Variants in TMEM114 observed in about 807,000 individuals in gnomAD.
The protein encoded by TMEM114 is claudin-26.
A neutral mutation model predicts 6.2 loss-of-function variants in TMEM114; 6 were observed. That is an observed-to-expected ratio of 0.97 (90% confidence interval 0.53 to 1.91). TMEM114 has a LOEUF of 1.91. Ranked by LOEUF, TMEM114 falls within the 40% of genes most tolerant of loss-of-function variation. The pLI, the probability that TMEM114 is intolerant of heterozygous loss-of-function variation, is 0.01. For synonymous variants in TMEM114, 104 were observed against 73.0 expected (o/e 1.42, Z -2.16); for missense variants, 218 against 158.3 (o/e 1.38, Z -2.02).
chr16:8,572,433 C>A, intron 2 of TMEM114: 2 of 611,202 alleles, frequency 3.3e-6, no homozygotes, highest in Non-Finnish European at 5.7e-6. Flanking sequence ...GTGCTTTGTT[C>A]TTGTTGTTTG....
downstream of TMEM114, among the ~76,000 whole-genome samples, chr16:8,565,409 C>T (rs951455017): frequency 6.6e-6 from 1 of 152,184 alleles, no homozygotes; most frequent in Non-Finnish European, 1.5e-5. Context: ...AGAGCGCCTT[C>T]TCTGAGAGAA....
At chr16:8,557,241 A>C (rs1165513287) in intron 2 of TMEM114, among the ~76,000 whole-genome samples, 1 of 152,160 alleles carries the variant, frequency 6.6e-6, no homozygotes, top group Admixed American at 6.5e-5. Flanking sequence ...TTCTGAGACT[A>C]GGTCACAAAA....
rs1051172935 is a variant in TMEM114 at position 8,574,485 on chromosome 16, G to A, written c.302-2261C>T. Among the ~76,000 whole-genome samples, 8 of 152,296 alleles carry A rather than the reference G, an allele frequency of 5.3e-5. No homozygotes were observed. In the South Asian group the frequency reaches 1.5e-3, roughly 28 times the overall value. ...TTTGGTGAGTCAAGAAAACAAGACT[G>A]AACTTCCTCCCAAGGCTGTCCTGTG... On this transcript the variant is annotated intron_variant, in intron 2 of 3. Transcript: ENST00000620492.
At chr16:8,562,548 G>GTGAGTGAGTGAA in intron 2 of TMEM114, among the ~76,000 whole-genome samples, 1 of 145,706 alleles carries the variant, frequency 6.9e-6, no homozygotes, top group African/African-American at 2.5e-5. Flanking sequence ...GAGTGAATGA[G>GTGAGTGAGTGAA]TGAGTGCGTC....
At chr16:8,561,690 C>G (rs745835873) in intron 2 of TMEM114, among the ~76,000 whole-genome samples, 7 of 151,506 alleles carry the variant, frequency 4.6e-5, no homozygotes, top group Non-Finnish European at 7.4e-5. Context: ...AATGAGTGAG[C>G]GAGTGAATAA....
chr16:8,563,185 A>ATGAGTGAGTGAATGAG (rs142599827), intron 2 of TMEM114, among the ~76,000 whole-genome samples: 1 of 148,254 alleles, frequency 6.7e-6, no homozygotes, highest in Non-Finnish European at 1.5e-5. Context: ...GAGTGAGTGA[A>ATGAGTGAGTGAATGAG]TGAGTGAATG....
At chr16:8,538,133 C>CAAA (rs59194084) in intron 2 of TMEM114, among the ~76,000 whole-genome samples, 32,240 of 76,330 alleles carry the variant, frequency 0.42, 8,565 homozygotes, top group East Asian at 0.47. Flanking sequence ...ACTGTCTCTA[C>CAAA]AAAAAAAAAA....
chr16:8,548,794 A>T (rs1461664434), intron 2 of TMEM114, among the ~76,000 whole-genome samples: 4 of 152,090 alleles, frequency 2.6e-5, no homozygotes, highest in African/African-American at 9.7e-5. Context: ...AATTTTACGT[A>T]GTCAGTGGAG....
chr16:8,532,223 GT>G, the TMEM114 span, among the ~76,000 whole-genome samples: 2 of 152,258 alleles, frequency 1.3e-5, no homozygotes, highest in Non-Finnish European at 2.9e-5. Flanking sequence ...CCAGATCCTA[GT>G]ATTGAGACAA....
chr16:8,538,191 G>T lies in TMEM114; in HGVS notation n.213-365C>A, dbSNP rs141182202. On this transcript the variant is annotated intron_variant and non_coding_transcript_variant, in intron 2 of 2. Transcript: ENST00000623677. ...ATGGTGGTGCCTGCTTGTAGTCCCAGCTACTCAGGAGGCTGAAGTAGGAGG... is the reference window on the plus strand; with the variant it reads ...ATGGTGGTGCCTGCTTGTAGTCCCATCTACTCAGGAGGCTGAAGTAGGAGG... Among the ~76,000 whole-genome samples the T allele has an allele frequency of 6.4e-4, 94 of 147,818 alleles. 1 individual carries two copies. The highest frequency in any genetic ancestry group is 2.3e-3 in the African/African-American group (92 of 40,072).
downstream of TMEM114, among the ~76,000 whole-genome samples, chr16:8,568,271 T>A (rs1901611815): frequency 6.6e-6 from 1 of 151,982 alleles, no homozygotes; most frequent in African/African-American, 2.4e-5. Context: ...TCTGGAGGAG[T>A]CATTGCCCCC....
chr16:8,529,729 TAAAA>T, the TMEM114 span, among the ~76,000 whole-genome samples: 1 of 135,756 alleles, frequency 7.4e-6, no homozygotes, highest in African/African-American at 2.7e-5. Flanking sequence ...AAAGAAAACT[TAAAA>T]AAAAAAAAAA....
chr16:8,531,955 A>G, the TMEM114 span: 3 of 152,186 alleles, frequency 2.0e-5, no homozygotes, highest in Non-Finnish European at 4.4e-5. Context: ...AGTAAAGTTG[A>G]ATTCATAACA....
At chr16:8,537,593 A>G (rs1029110783), downstream of TMEM114, 9 of 152,240 alleles carry the variant, frequency 5.9e-5, no homozygotes, top group South Asian at 2.1e-4. Flanking sequence ...ATTTTAATAA[A>G]CATTCTTCCC....
chr16:8,529,342 G>C, the TMEM114 span, among the ~76,000 whole-genome samples: 1 of 152,216 alleles, frequency 6.6e-6, no homozygotes, highest in East Asian at 1.9e-4. Flanking sequence ...CGTTGGCCTA[G>C]AGTCAGACCT....
intron 3 of TMEM114, 27 bp from the exon 4 acceptor site, chr16:8,570,032 A>G: frequency 6.5e-7 from 1 of 1,533,726 alleles, no homozygotes; most frequent in Non-Finnish European, 8.8e-7. Context: ...GGGAGAGCAG[A>G]TCAATCCCCC....
intron 2 of TMEM114, among the ~76,000 whole-genome samples, chr16:8,544,253 G>T (rs908096905): frequency 6.6e-6 from 1 of 152,268 alleles, no homozygotes. Context: ...GATAAGCACA[G>T]CTTTTGGATA....
chr16:8,536,263 G>A (rs991672958), downstream of TMEM114, among the ~76,000 whole-genome samples: 3 of 151,308 alleles, frequency 2.0e-5, no homozygotes, highest in African/African-American at 7.3e-5. Context: ...AACACATCCT[G>A]AATCCCAACT....
downstream of TMEM114, among the ~76,000 whole-genome samples, chr16:8,564,614 T>G (rs62646493): frequency 0.062 from 7,486 of 121,638 alleles, 990 homozygotes; most frequent in Non-Finnish European, 0.086. Flanking sequence ...AGGGAATGAG[T>G]GAGTGAATGA....
Sources: gnomAD v4.1 joint callset for allele counts (sites outside exome capture counted in the v4.1 genomes callset) on GRCh38, gnomAD v4.1.1 for gene constraint, MANE v1.5 for transcripts, NCBI Gene and HGNC (gene_info 2026-07-23, HGNC 2026-07-21) for gene names.